The following CDH19 variants were observed in gnomAD, a reference collection of about 807,000 sequenced individuals.
CDH19 encodes the protein cadherin-19.
Under a neutral mutation model 64.2 loss-of-function variants are expected in CDH19, and 67 were observed. The observed-to-expected ratio is 1.04, with a 90% CI of 0.86 to 1.28. CDH19 has a LOEUF of 1.28. Ranked by LOEUF, CDH19 falls within the 50% of genes most tolerant of loss-of-function variation. The probability of loss-of-function intolerance (pLI) is 0.00; values close to 1 mark genes in which losing one functional copy is unlikely to be tolerated. For synonymous variants in CDH19, 346 were observed against 319.3 expected (o/e 1.08, Z -0.89); for missense variants, 1,030 against 929.0 (o/e 1.11, Z -1.41).
At chr18:66,531,112 T>C (rs746746229) in intron 8 of CDH19, among the ~76,000 whole-genome samples, 5 of 152,158 alleles carry the variant, frequency 3.3e-5, no homozygotes, top group African/African-American at 7.2e-5. Context: ...CAATGGATAA[T>C]GAAATTTAAA....
intron 3 of CDH19, among the ~76,000 whole-genome samples, chr18:66,561,672 G>T (rs562986767): frequency 6.6e-6 from 1 of 152,144 alleles, no homozygotes; most frequent in South Asian, 2.1e-4. Context: ...GGTGCCAGTG[G>T]TATTTGGAAA....
chr18:66,562,250 G>A (rs566990520), intron 3 of CDH19, among the ~76,000 whole-genome samples: 2 of 151,718 alleles, frequency 1.3e-5, no homozygotes, highest in South Asian at 4.2e-4. Flanking sequence ...TCACCATAAT[G>A]AGGAATCAGT....
At chr18:66,560,495 A>G (rs2144544251) in intron 3 of CDH19, among the ~76,000 whole-genome samples, 1 of 152,222 alleles carries the variant, frequency 6.6e-6, no homozygotes, top group South Asian at 2.1e-4. Context: ...AAGAAAAATA[A>G]GAATATAAAT....
rs536412817 is a variant in CDH19, at chr18:66,510,771, G to A, written c.1576+797C>T. On this transcript the variant is annotated intron_variant, in intron 10 of 11. Coordinates refer to ENST00000262150, the MANE Select transcript of CDH19 (RefSeq NM_021153.4). Reference sequence around the variant, plus strand: ...AGTTTCCTCCCCGGGGGAATTTGACGAGGGCAAAACAGACAGAAAGGTGTT... The same window carrying A: ...AGTTTCCTCCCCGGGGGAATTTGACAAGGGCAAAACAGACAGAAAGGTGTT... 2.3e-3 allele frequency among the ~76,000 whole-genome samples: 353 copies of A among 151,372 alleles called. 3 individuals carry two copies. Among genetic ancestry groups the A allele is most frequent in the Non-Finnish European group, 4.2e-3 (282 of 67,652 alleles).
chr18:66,540,852 ATAGTCT>A (rs1986860411), intron 7 of CDH19, among the ~76,000 whole-genome samples: 2 of 152,166 alleles, frequency 1.3e-5, no homozygotes, highest in South Asian at 2.1e-4. Context: ...GAAATAATAC[ATAGTCT>A]TAGTGATAAA....
intron 9 of CDH19, among the ~76,000 whole-genome samples, chr18:66,528,360 C>T (rs547759522): frequency 7.8e-4 from 118 of 152,144 alleles, no homozygotes; most frequent in African/African-American, 2.7e-3. Flanking sequence ...TCTCTTCTAC[C>T]CTATACTGTA....
chr18:66,518,499 G>T (rs147651157), intron 9 of CDH19, among the ~76,000 whole-genome samples: 52 of 152,168 alleles, frequency 3.4e-4, no homozygotes, highest in African/African-American at 1.1e-3. Context: ...CTCCCAAAGT[G>T]CTGGGATTAC....
intron 1 of CDH19, among the ~76,000 whole-genome samples, chr18:66,579,407 G>T (rs1480636912): frequency 6.6e-6 from 1 of 151,956 alleles, no homozygotes; most frequent in South Asian, 2.1e-4. Flanking sequence ...AACCCAAATT[G>T]TGTCTTTCTA....
At chr18:66,520,458 T>C (rs1181736085) in intron 9 of CDH19, among the ~76,000 whole-genome samples, 7 of 141,904 alleles carry the variant, frequency 4.9e-5, no homozygotes, top group African/African-American at 1.5e-4. Flanking sequence ...AAGGAATTTT[T>C]TTCAAAAGAG....
At chr18:66,577,433 G>C (rs1388468197) in intron 1 of CDH19, among the ~76,000 whole-genome samples, 1 of 151,868 alleles carries the variant, frequency 6.6e-6, no homozygotes, top group East Asian at 1.9e-4. Context: ...ACATTTATGT[G>C]ATCAATTGAT....
At position 66,544,831 on chromosome 18, in the gene CDH19, T is replaced by C; in HGVS notation, c.848A>G (p.Asn283Ser). ...CATTTCTGCATTCTCTCCTATGTCATTATCATATGCCATGATTGTTCCTAT... is the reference window on the plus strand; with the variant it reads ...CATTTCTGCATTCTCTCCTATGTCACTATCATATGCCATGATTGTTCCTAT... ...TSIGTIMAYD[N>S]DIGENAEMDY... is the part of the protein sequence containing the mutation. Residue 283 changes from asparagine (N) to serine (S), a missense_variant, in exon 6 of 12, where the codon AAT (asparagine) becomes AGT (serine). Coordinates refer to ENST00000262150, the MANE Select transcript of CDH19 (RefSeq NM_021153.4). The C allele has an allele frequency of 1.2e-6, 2 of 1,612,770 alleles. No homozygotes were observed. The highest frequency in any genetic ancestry group is 1.7e-6 in the Non-Finnish European group (2 of 1,178,918).
chr18:66,515,710 A>G (rs1985707296), intron 9 of CDH19, among the ~76,000 whole-genome samples: 2 of 151,888 alleles, frequency 1.3e-5, no homozygotes, highest in Non-Finnish European at 2.9e-5. Flanking sequence ...TTTTATCTCA[A>G]TACGTATTTT....
intron 1 of CDH19, among the ~76,000 whole-genome samples, chr18:66,603,211 GA>G (rs1332458948): frequency 1.3e-5 from 2 of 150,052 alleles, no homozygotes; most frequent in Admixed American, 6.6e-5. Flanking sequence ...AACTTATTTT[GA>G]AATATTTTAT....
chr18:66,519,484 C>G (rs1985888593), intron 9 of CDH19, among the ~76,000 whole-genome samples: 1 of 152,122 alleles, frequency 6.6e-6, no homozygotes, highest in East Asian at 1.9e-4. Flanking sequence ...TGATAGAGAT[C>G]TTCAGCTATT....
intron 9 of CDH19, among the ~76,000 whole-genome samples, chr18:66,527,529 A>G (rs1986269712): frequency 6.6e-6 from 1 of 152,088 alleles, no homozygotes; most frequent in Non-Finnish European, 1.5e-5. Flanking sequence ...CAGGCAGATC[A>G]CGAGGTCAGG....
chr18:66,549,824 C>A (rs1364424420), intron 5 of CDH19, among the ~76,000 whole-genome samples: 3 of 151,950 alleles, frequency 2.0e-5, no homozygotes, highest in Non-Finnish European at 1.5e-5. Flanking sequence ...CAAGTCTGTA[C>A]AACTAATGAA....
chr18:66,520,891 C>T (rs532549547), intron 9 of CDH19, among the ~76,000 whole-genome samples: 1 of 152,096 alleles, frequency 6.6e-6, no homozygotes, highest in East Asian at 1.9e-4. Flanking sequence ...AATTGTGTTA[C>T]TTCAAGATAT....
rs567397354 is a variant in CDH19, at chr18:66,507,983, T to C, written c.1828+1012A>G. On this transcript the variant is annotated intron_variant, in intron 11 of 11. Transcript: ENST00000262150. ...TATTCATGATAGCCAAGATATGGAA[T>C]TGATGGAAGCTAAGTTTCCATCAGT... Among the ~76,000 whole-genome samples, 3 of 151,882 alleles carry C rather than the reference T, an allele frequency of 2.0e-5. No homozygotes were observed. In the South Asian group the frequency reaches 6.2e-4, roughly 31 times the overall value.
intron 1 of CDH19, among the ~76,000 whole-genome samples, chr18:66,593,910 T>G (rs550455486): frequency 3.9e-5 from 6 of 152,202 alleles, no homozygotes; most frequent in Admixed American, 3.9e-4. Context: ...GTTGGGATGA[T>G]AGCAATGAGA....
Sources: allele counts gnomAD v4.1 joint callset (sites outside exome capture counted in the v4.1 genomes callset), GRCh38; gene constraint gnomAD v4.1.1; transcripts MANE v1.5; gene names NCBI Gene and HGNC (gene_info 2026-07-23, HGNC 2026-07-21).